The following ADAMTSL1 variants were observed in gnomAD, a reference collection of about 807,000 sequenced individuals.
ADAMTSL1 encodes the protein ADAMTS like 1.
A neutral mutation model predicts 201.8 loss-of-function variants in ADAMTSL1; 126 were observed. The ratio of observed to expected loss-of-function variants is 0.62; its 90% CI spans 0.54 to 0.72. ADAMTSL1 has a LOEUF of 0.72. Among genes scored for constraint, ADAMTSL1 ranks in the 30% least tolerant of loss-of-function variants. The probability of loss-of-function intolerance (pLI) is 0.00; values close to 1 mark genes in which losing one functional copy is unlikely to be tolerated. For synonymous variants in ADAMTSL1, 1,121 were observed against 903.4 expected, an observed-to-expected ratio of 1.24 and a Z score of -4.32; for missense variants, 2,679 against 2,277.8, an observed-to-expected ratio of 1.18 and a Z score of -3.59.
At chr9:18,288,205 C>T (rs1298069754) in intron 2 of ADAMTSL1, among the ~76,000 whole-genome samples, 1 of 152,002 alleles carries the variant, frequency 6.6e-6, no homozygotes, top group African/African-American at 2.4e-5. Context: ...ATAAACAGAC[C>T]AACGAGAACG....
intron 1 of ADAMTSL1, among the ~76,000 whole-genome samples, chr9:18,156,965 C>T (rs1219431780): frequency 1.3e-5 from 2 of 152,010 alleles, no homozygotes; most frequent in Non-Finnish European, 2.9e-5. Flanking sequence ...AAAGGTGCTG[C>T]CTTTCTTATT....
intron 2 of ADAMTSL1, among the ~76,000 whole-genome samples, chr9:18,512,999 A>G (rs950984469): frequency 6.6e-6 from 1 of 152,252 alleles, no homozygotes; most frequent in African/African-American, 2.4e-5. Context: ...ACCACAGAAC[A>G]AAGGTTGGTG....
chr9:18,887,450 T>C (rs1828969205), intron 23 of ADAMTSL1, among the ~76,000 whole-genome samples: 1 of 152,216 alleles, frequency 6.6e-6, no homozygotes, highest in Non-Finnish European at 1.5e-5. Context: ...TGGTATTTTT[T>C]CCCAACATAT....
At chr9:18,543,493 G>C (rs1246840073) in intron 3 of ADAMTSL1, among the ~76,000 whole-genome samples, 1 of 152,130 alleles carries the variant, frequency 6.6e-6, no homozygotes, top group Admixed American at 6.6e-5. Flanking sequence ...TCAGTATCTT[G>C]CAAATAAATT....
At chr9:18,296,625 G>GA (rs1318444804) in intron 2 of ADAMTSL1, among the ~76,000 whole-genome samples, 2 of 151,984 alleles carry the variant, frequency 1.3e-5, no homozygotes, top group Non-Finnish European at 2.9e-5. Flanking sequence ...AAAATAAAAA[G>GA]AAAAAATGAG....
At chr9:18,374,366 ACT>A (rs1463242325) in intron 2 of ADAMTSL1, among the ~76,000 whole-genome samples, 1 of 151,300 alleles carries the variant, frequency 6.6e-6, no homozygotes, top group Non-Finnish European at 1.5e-5. Context: ...ATGGGGTCTC[ACT>A]CTGTCACCCA....
At chr9:18,906,032 C>T in intron 27 of ADAMTSL1, 141 bp downstream of exon 27, 1 of 715,178 alleles carries the variant, frequency 1.4e-6, no homozygotes, top group Admixed American at 2.5e-5. Flanking sequence ...CACCGCAAGC[C>T]ACTGGCCTCC....
intron 16 of ADAMTSL1, among the ~76,000 whole-genome samples, chr9:18,758,397 G>A (rs796849110): frequency 6.6e-6 from 1 of 152,190 alleles, no homozygotes; most frequent in South Asian, 2.1e-4. Context: ...CAAACTTGGT[G>A]GCTTAAAACA....
intron 2 of ADAMTSL1, among the ~76,000 whole-genome samples, chr9:18,440,257 A>G (rs2133449865): frequency 6.6e-6 from 1 of 152,294 alleles, no homozygotes; most frequent in East Asian, 1.9e-4. Flanking sequence ...CTCATGAGAA[A>G]ATTAGATCGA....
chr9:18,489,540 C>G (rs1264106626), intron 1 of ADAMTSL1, among the ~76,000 whole-genome samples: 2 of 152,120 alleles, frequency 1.3e-5, no homozygotes, highest in Non-Finnish European at 2.9e-5. Context: ...AAATAGGAAC[C>G]ATGAACATGT....
intron 1 of ADAMTSL1, among the ~76,000 whole-genome samples, chr9:18,129,992 A>C (rs921514792): frequency 2.6e-5 from 4 of 152,178 alleles, no homozygotes; most frequent in African/African-American, 9.7e-5. Flanking sequence ...AGTCGCATGC[A>C]CTGGGAGTCT....
At chr9:17,973,264 C>T (rs1588502811) in intron 1 of ADAMTSL1, among the ~76,000 whole-genome samples, 1 of 144,878 alleles carries the variant, frequency 6.9e-6, no homozygotes, top group East Asian at 2.1e-4. Context: ...AATGGTATTG[C>T]CTAGGTTTTC....
At chr9:17,987,381 A>G (rs1486001643) in intron 1 of ADAMTSL1, among the ~76,000 whole-genome samples, 1 of 152,118 alleles carries the variant, frequency 6.6e-6, no homozygotes, top group African/African-American at 2.4e-5. Context: ...AAAGGTTGCT[A>G]CAGAGAATTA....
intron 5 of ADAMTSL1, 69 bp downstream of exon 5, chr9:18,622,438 C>T: frequency 1.2e-6 from 2 of 1,602,852 alleles, no homozygotes; most frequent in African/African-American, 1.3e-5. Context: ...GGTCTGGCCC[C>T]ACTAAACAGC....
intron 2 of ADAMTSL1, among the ~76,000 whole-genome samples, chr9:18,428,969 G>A (rs1021931990): frequency 7.2e-5 from 11 of 152,046 alleles, no homozygotes; most frequent in Admixed American, 1.3e-4. Flanking sequence ...CACTACAGTC[G>A]GCATAAAAAT....
At chr9:18,513,565 G>A (rs1431943950) in intron 2 of ADAMTSL1, among the ~76,000 whole-genome samples, 2 of 152,112 alleles carry the variant, frequency 1.3e-5, no homozygotes, top group Non-Finnish European at 2.9e-5. Context: ...AGAGATCATT[G>A]CCAAATCAAT....
chr9:18,278,875 TCTGA>T (rs1404162861), intron 2 of ADAMTSL1, among the ~76,000 whole-genome samples: 1 of 152,166 alleles, frequency 6.6e-6, no homozygotes, highest in East Asian at 1.9e-4. Context: ...TTTTTATTCC[TCTGA>T]CTGGGTAATT....
chr9:18,249,594 C>G lies in ADAMTSL1; in HGVS notation c.207+85613C>G, dbSNP rs1831387781. On this transcript the variant is annotated intron_variant, in intron 2 of 29. Coordinates refer to the ADAMTSL1 transcript ENST00000680146. Reference sequence around the variant, plus strand: ...AGAAAAAAAATTAGGCTACTTCAGCCTACTGTTATTGTTTCATGCTTAATT... The same window carrying G: ...AGAAAAAAAATTAGGCTACTTCAGCGTACTGTTATTGTTTCATGCTTAATT... 2.6e-5 allele frequency among the ~76,000 whole-genome samples: 4 copies of G among 152,222 alleles called. No individual in the cohort carries two copies. In the South Asian group the frequency reaches 8.3e-4, roughly 32 times the overall value.
At chr9:18,872,877 A>T (rs1435582389) in intron 23 of ADAMTSL1, among the ~76,000 whole-genome samples, 1 of 152,226 alleles carries the variant, frequency 6.6e-6, no homozygotes, top group East Asian at 1.9e-4. Context: ...TTGCTGGATC[A>T]AATGGTAGAT....
Sources: gnomAD v4.1 joint callset for allele counts (sites outside exome capture counted in the v4.1 genomes callset) on GRCh38, gnomAD v4.1.1 for gene constraint, MANE v1.5 for transcripts, NCBI Gene and HGNC (gene_info 2026-07-23, HGNC 2026-07-21) for gene names.